The following IQSEC1 variants were observed in gnomAD, a reference collection of about 807,000 sequenced individuals.
IQSEC1 encodes IQ motif and Sec7 domain ArfGEF 1, also known as IQ motif and SEC7 domain-containing protein 1.
Under a neutral mutation model 91.0 loss-of-function variants are expected in IQSEC1, and 31 were observed. The observed-to-expected ratio is 0.34, with a 90% CI of 0.26 to 0.46. IQSEC1 has a LOEUF of 0.46. Ranked by LOEUF, IQSEC1 falls within the 20% of genes least tolerant of loss-of-function variation. The probability of loss-of-function intolerance (pLI) is 1.00; values close to 1 mark genes in which losing one functional copy is unlikely to be tolerated. For synonymous variants in IQSEC1, 699 were observed against 662.6 expected (o/e 1.05, Z -0.84); for missense variants, 1,388 against 1,575.6 (o/e 0.88, Z 2.02).
intron 1 of IQSEC1, among the ~76,000 whole-genome samples, chr3:13,183,884 T>C (rs535498957): frequency 6.6e-6 from 1 of 152,326 alleles, no homozygotes; most frequent in African/African-American, 2.4e-5. Context: ...AGGACAACTC[T>C]AGGTCCATCA....
intron 12 of IQSEC1, among the ~76,000 whole-genome samples, chr3:12,907,302 G>A (rs1224337599): frequency 6.6e-6 from 1 of 152,222 alleles, no homozygotes; most frequent in Non-Finnish European, 1.5e-5. Context: ...CTAAGCTGAG[G>A]GGAGGCAAGG....
chr3:13,143,434 A>T (rs964976523), intron 2 of IQSEC1, among the ~76,000 whole-genome samples: 1 of 152,230 alleles, frequency 6.6e-6, no homozygotes, highest in African/African-American at 2.4e-5. Flanking sequence ...GGACAAAAGT[A>T]TGCACATCCA....
chr3:13,089,801 C>T (rs4684908), intron 2 of IQSEC1, among the ~76,000 whole-genome samples: 1 of 151,878 alleles, frequency 6.6e-6, no homozygotes, highest in Non-Finnish European at 1.5e-5. Flanking sequence ...ATGTGGACGG[C>T]TGCGAATGGG....
chr3:13,257,477 C>CG (rs1559287926), intron 1 of IQSEC1, among the ~76,000 whole-genome samples: 1 of 152,130 alleles, frequency 6.6e-6, no homozygotes, highest in African/African-American at 2.4e-5. Flanking sequence ...AGCATCACCC[C>CG]CAACCAGACT....
Position 12,915,691 on chromosome 3 carries a change from C to G in IQSEC1, c.2063G>C (p.Gly688Ala). 6.2e-7 allele frequency: 1 copy of G among 1,614,174 alleles called. No homozygotes were observed. Among genetic ancestry groups the G allele is most frequent in the Non-Finnish European group, 8.5e-7 (1 of 1,180,024 alleles). The change falls in exon 7 of 14, where the codon GGG (glycine) becomes GCG (alanine). Residue 688 changes from glycine to alanine, a missense_variant. Gly to Ala is a moderately conservative substitution (Grantham distance 60, BLOSUM62 0). Coordinates refer to ENST00000613206, the MANE Select transcript of IQSEC1 (RefSeq NM_001134382.3). ...TCGCTTACGGATCCGTTCATAGATCCCCATCAGCATCTCACGGGGAATGTC... is the reference window on the plus strand; with the variant it reads ...TCGCTTACGGATCCGTTCATAGATCGCCATCAGCATCTCACGGGGAATGTC... ...GEDIPREMLMGIYERIRKREL... is the reference protein window; with the variant it reads ...GEDIPREMLMAIYERIRKREL...
Position 12,900,453 on chromosome 3 carries a change from ATATATATATATATATTTATATATT to A in IQSEC1, c.*506_*529del, listed in dbSNP as rs974099911. ...CACACACAAGTACTACCTATACAGT[ATATATATATATATATTTATATATT>A]TATATATTTATATAAAGTTTACTTA... On this transcript the variant is annotated 3_prime_UTR_variant, in exon 14 of 14. Coordinates refer to ENST00000613206, the MANE Select transcript of IQSEC1 (RefSeq NM_001134382.3). 9.5e-6 allele frequency: 5 copies of A among 524,548 alleles called. No individual in the cohort carries two copies. The Admixed American group carries it at 2.7e-4, about 28-fold the overall frequency. 32.5% of individuals were successfully genotyped at this position (524,548 alleles called of 1,614,324 possible). A position where few individuals can be genotyped will look rare whatever the true frequency, so the allele number is the denominator to read the frequency against.
chr3:13,077,237 T>C (rs985615550), upstream of IQSEC1, among the ~76,000 whole-genome samples: 12 of 152,092 alleles, frequency 7.9e-5, no homozygotes, highest in African/African-American at 2.9e-4. Flanking sequence ...CCAAAAGGCA[T>C]AAAGATGAAT....
intron 2 of IQSEC1, among the ~76,000 whole-genome samples, chr3:13,147,853 G>A (rs990422460): frequency 1.3e-5 from 2 of 152,166 alleles, no homozygotes; most frequent in East Asian, 1.9e-4. Flanking sequence ...GGCTGGTCTC[G>A]AACTCCTGAC....
intron 3 of IQSEC1, among the ~76,000 whole-genome samples, chr3:12,932,894 A>T (rs1046599530): frequency 1.3e-4 from 20 of 152,322 alleles, no homozygotes; most frequent in African/African-American, 3.6e-4. Context: ...GAGGCCTGGT[A>T]GACCTCGGCA....
At chr3:13,190,848 C>A (rs967552811) in intron 1 of IQSEC1, among the ~76,000 whole-genome samples, 2 of 152,080 alleles carry the variant, frequency 1.3e-5, no homozygotes, top group Non-Finnish European at 2.9e-5. Context: ...CAGAGCAGTC[C>A]CCAAATGGGA....
At chr3:12,964,426 A>G (rs1052119884) in intron 1 of IQSEC1, among the ~76,000 whole-genome samples, 1 of 152,168 alleles carries the variant, frequency 6.6e-6, no homozygotes, top group Middle Eastern at 3.2e-3. Flanking sequence ...GATATTCCAC[A>G]TGTCATCATA....
intron 2 of IQSEC1, among the ~76,000 whole-genome samples, chr3:13,146,205 T>C (rs1218347538): frequency 6.6e-6 from 1 of 151,996 alleles, no homozygotes; most frequent in Non-Finnish European, 1.5e-5. Context: ...CAGGCTGGTC[T>C]TGAACTCCTG....
chr3:12,948,855 C>T (rs115237207), intron 1 of IQSEC1, among the ~76,000 whole-genome samples: 1,530 of 152,316 alleles, frequency 0.01, 27 homozygotes, highest in African/African-American at 0.035. Context: ...TTGGCCAGGA[C>T]GCCCGAACAC....
chr3:12,909,887 G>C lies in IQSEC1; in HGVS notation c.2417-453C>G, dbSNP rs541401105. On this transcript the variant is annotated intron_variant, in intron 10 of 13. Coordinates refer to ENST00000613206, the MANE Select transcript of IQSEC1 (RefSeq NM_001134382.3). The surrounding 1 kb of genome is among the most constrained non-coding windows in gnomAD (Gnocchi z 4.9). ...CCTGGTGCCACCTCCGGGCTCTCAG[G>C]GTCCCTGGGGCTTTGGTCTCCTGGC... 6.6e-6 allele frequency among the ~76,000 whole-genome samples: 1 copy of C among 152,326 alleles called. No individual in the cohort carries two copies. The highest frequency in any genetic ancestry group is 2.1e-4 in the South Asian group (1 of 4,830).
intron 1 of IQSEC1, among the ~76,000 whole-genome samples, chr3:13,209,088 T>TCC (rs1694397817): frequency 6.6e-6 from 1 of 152,210 alleles, no homozygotes; most frequent in African/African-American, 2.4e-5. Flanking sequence ...ATCACAGGGA[T>TCC]GGCTGTTGTC....
At chr3:13,172,171 TTTC>T (rs1425509611) in intron 1 of IQSEC1, among the ~76,000 whole-genome samples, 1 of 152,192 alleles carries the variant, frequency 6.6e-6, no homozygotes, top group Non-Finnish European at 1.5e-5. Flanking sequence ...TTCGTGACAC[TTTC>T]TTCTTCCCTC....
intron 1 of IQSEC1, among the ~76,000 whole-genome samples, chr3:12,951,621 AC>A (rs1346991738): frequency 6.6e-6 from 1 of 152,198 alleles, no homozygotes; most frequent in Non-Finnish European, 1.5e-5. Context: ...ACAGCCTGGC[AC>A]GCAGTTCTAG....
At chr3:12,932,632 A>G (rs542116647) in intron 3 of IQSEC1, among the ~76,000 whole-genome samples, 1 of 152,318 alleles carries the variant, frequency 6.6e-6, no homozygotes, top group South Asian at 2.1e-4. Flanking sequence ...CACTCTGGAC[A>G]CAGAAGCCCT....
chr3:13,050,666 T>A (rs933105945), intron 1 of IQSEC1, among the ~76,000 whole-genome samples: 1 of 152,206 alleles, frequency 6.6e-6, no homozygotes, highest in Non-Finnish European at 1.5e-5. Flanking sequence ...TTAACTAACC[T>A]CTCTGTGCCC....
Sources: gnomAD v4.1 joint callset for allele counts (sites outside exome capture counted in the v4.1 genomes callset) on GRCh38, gnomAD v4.1.1 for gene constraint, Gnocchi (gnomAD v3.1) non-coding constraint, MANE v1.5 for transcripts, NCBI Gene and HGNC (gene_info 2026-07-23, HGNC 2026-07-21) for gene names.